BMAL1: variants seen among roughly 807,000 people sequenced by gnomAD.
The protein encoded by BMAL1 is basic helix-loop-helix ARNT like 1.
the BMAL1 span, among the ~76,000 whole-genome samples, chr11:13,288,440 T>G: frequency 4.9e-5 from 6 of 121,952 alleles, no homozygotes; most frequent in Non-Finnish European, 1.0e-4. Context: ...TTTTTTTTTG[T>G]GATGGACACT....
At chr11:13,310,721 G>A in the BMAL1 span, among the ~76,000 whole-genome samples, 1 of 152,190 alleles carries the variant, frequency 6.6e-6, no homozygotes, top group East Asian at 1.9e-4. Context: ...TTTGGCCTGC[G>A]GGATGTAGTT....
At chr11:13,286,549 G>A in the BMAL1 span, among the ~76,000 whole-genome samples, 138 of 152,214 alleles carry the variant, frequency 9.1e-4, no homozygotes, top group African/African-American at 2.9e-3. Flanking sequence ...GATATACTTC[G>A]TTGTTCAAAC....
chr11:13,374,464 T>G, the BMAL1 span, among the ~76,000 whole-genome samples: 1 of 152,136 alleles, frequency 6.6e-6, no homozygotes, highest in African/African-American at 2.4e-5. Flanking sequence ...CTGTAAAGAT[T>G]TAGTATGGCC....
chr11:13,331,943 G>A, the BMAL1 span, among the ~76,000 whole-genome samples: 7 of 152,188 alleles, frequency 4.6e-5, no homozygotes, highest in South Asian at 8.3e-4. Context: ...TAGAGGATGC[G>A]AAGAGGCCGG....
chr11:13,291,627 A>G, the BMAL1 span, among the ~76,000 whole-genome samples: 3 of 151,992 alleles, frequency 2.0e-5, no homozygotes, highest in African/African-American at 7.3e-5. Context: ...GACTTAATTC[A>G]CTCTCTATTC....
the BMAL1 span, among the ~76,000 whole-genome samples, chr11:13,284,256 ATATATATATATTT>A: frequency 2.6e-3 from 64 of 25,026 alleles, 7 homozygotes; most frequent in African/African-American, 8.9e-3. Context: ...ATATATATAT[ATATATATATATTT>A]TTTTTTTTAA....
chr11:13,371,744 C>G, the BMAL1 span, among the ~76,000 whole-genome samples: 3 of 152,220 alleles, frequency 2.0e-5, no homozygotes, highest in African/African-American at 7.2e-5. Context: ...CCTCCAATTT[C>G]ACTTCAACCA....
At chr11:13,293,694 A>G in the BMAL1 span, among the ~76,000 whole-genome samples, 1 of 152,270 alleles carries the variant, frequency 6.6e-6, no homozygotes, top group Non-Finnish European at 1.5e-5. Context: ...TAACAAACAC[A>G]TGGGCAGACG....
chr11:13,289,479 C>G, the BMAL1 span, among the ~76,000 whole-genome samples: 2 of 152,170 alleles, frequency 1.3e-5, no homozygotes, highest in African/African-American at 4.8e-5. Flanking sequence ...GTTTGCTGCA[C>G]CCATTAACTC....
chr11:13,287,320 G>A, the BMAL1 span, among the ~76,000 whole-genome samples: 2 of 152,134 alleles, frequency 1.3e-5, no homozygotes, highest in Non-Finnish European at 2.9e-5. Flanking sequence ...AGTTGTGAAT[G>A]GTGTGTTCCT....
the BMAL1 span, among the ~76,000 whole-genome samples, chr11:13,371,119 G>A: frequency 6.6e-6 from 1 of 152,188 alleles, no homozygotes; most frequent in Admixed American, 6.5e-5. Flanking sequence ...CTCCACAAGG[G>A]CATGTCTGAT....
chr11:13,360,700 G>T, the BMAL1 span, among the ~76,000 whole-genome samples: 1 of 152,170 alleles, frequency 6.6e-6, no homozygotes, highest in African/African-American at 2.4e-5. Flanking sequence ...AAATAAGGGG[G>T]ATTTGAGAAT....
chr11:13,376,841 G>A, the BMAL1 span: 13 of 939,192 alleles, frequency 1.4e-5, no homozygotes, highest in Non-Finnish European at 1.9e-5. Flanking sequence ...TGGAACAAGG[G>A]AGGCCTCGAG....
the BMAL1 span, among the ~76,000 whole-genome samples, chr11:13,287,854 T>TAAA: frequency 1.3e-5 from 2 of 152,232 alleles, no homozygotes; most frequent in East Asian, 3.8e-4. Context: ...ACTACACATG[T>TAAA]ATTTATTCAG....
chr11:13,374,749 C>G, the BMAL1 span, among the ~76,000 whole-genome samples: 1 of 152,208 alleles, frequency 6.6e-6, no homozygotes, highest in Non-Finnish European at 1.5e-5. Context: ...CCTCTCACCC[C>G]CAGTTCATCT....
At chr11:13,296,597 T>C in the BMAL1 span, among the ~76,000 whole-genome samples, 1 of 152,260 alleles carries the variant, frequency 6.6e-6, no homozygotes. Context: ...TGTGTGTACC[T>C]ACATGTTTCT....
chr11:13,342,050 G>A, the BMAL1 span, among the ~76,000 whole-genome samples: 1 of 152,240 alleles, frequency 6.6e-6, no homozygotes, highest in South Asian at 2.1e-4. Flanking sequence ...GGAGTGCAGA[G>A]GGGAACAAGG....
chr11:13,360,358 A>G, the BMAL1 span: 11 of 1,613,778 alleles, frequency 6.8e-6, no homozygotes, highest in South Asian at 4.4e-5. Context: ...CCACCAATCC[A>G]TACACAGAAG....
At chr11:13,327,934 C>A in the BMAL1 span, among the ~76,000 whole-genome samples, 15 of 152,250 alleles carry the variant, frequency 9.9e-5, no homozygotes, top group African/African-American at 3.6e-4. Context: ...TTGTGCTACT[C>A]CACATTCACA....
Sources: gnomAD v4.1 joint callset for allele counts (sites outside exome capture counted in the v4.1 genomes callset) on GRCh38, gnomAD v4.1.1 for gene constraint, MANE v1.5 for transcripts, NCBI Gene and HGNC (gene_info 2026-07-23, HGNC 2026-07-21) for gene names.